Variants in CIBAR2 observed in about 807,000 individuals in gnomAD.
CIBAR2 encodes the protein CBY1 interacting BAR domain containing 2.
Under a neutral mutation model 36.2 loss-of-function variants are expected in CIBAR2, and 38 were observed. The ratio of observed to expected loss-of-function variants is 1.05; its 90% CI spans 0.81 to 1.38. The LOEUF is 1.38. Among genes scored for constraint, CIBAR2 ranks in the 40% most tolerant of loss-of-function variants. The pLI, the probability that CIBAR2 is intolerant of heterozygous loss-of-function variation, is 0.00. For missense variants in CIBAR2, 481 were observed against 383.4 expected, an observed-to-expected ratio of 1.25 and a Z score of -2.13; for synonymous variants, 182 against 149.5, an observed-to-expected ratio of 1.22 and a Z score of -1.58.
intron 1 of CIBAR2, among the ~76,000 whole-genome samples, chr16:85,111,665 G>A (rs2074043548): frequency 1.3e-5 from 2 of 152,190 alleles, no homozygotes; most frequent in African/African-American, 4.8e-5. Flanking sequence ...GGGCAACATG[G>A]TGAAACCCCG....
In CIBAR2 at chr16:85,106,667, G is replaced by A. The variant is rs7198658; in HGVS notation, c.432+1000C>T. On this transcript the variant is annotated intron_variant, in intron 5 of 8. Transcript: ENST00000539556. ...TCCCTGGAACTTCCAGAAGGAACCAGCCCTTTCCACACCTTGATTTGGCCC... is the reference window on the plus strand; with the variant it reads ...TCCCTGGAACTTCCAGAAGGAACCAACCCTTTCCACACCTTGATTTGGCCC... Among the ~76,000 whole-genome samples the A allele has an allele frequency of 2.5e-3, 376 of 152,312 alleles. 1 individual carries two copies. Among genetic ancestry groups the A allele is most frequent in the African/African-American group, 8.7e-3 (362 of 41,564 alleles).
rs2074029825 is a variant in CIBAR2 at position 85,110,247 on chromosome 16, C to T, written c.234G>A (p.Val78=). ...TCACCTGGGCCTGCCGGTAATCCTG[C>T]ACTTTGGCCAGGTCCTCAGCGAAGC... ...MRGFAEDLAK[V]QDYRQAQVER... The change falls in exon 2 of 9, where the codon GTG becomes GTA. Residue 78 remains valine (V), a synonymous_variant. Coordinates refer to ENST00000539556, the MANE Select transcript of CIBAR2 (RefSeq NM_198491.3). 3 of 1,578,798 alleles carry T rather than the reference C, an allele frequency of 1.9e-6. No individual in the cohort carries two copies. The South Asian group carries it at 3.5e-5, about 18-fold the overall frequency.
intron 7 of CIBAR2, among the ~76,000 whole-genome samples, chr16:85,100,814 G>A (rs571828258): frequency 1.6e-4 from 25 of 152,160 alleles, no homozygotes; most frequent in Admixed American, 1.5e-3. Flanking sequence ...TTGGGAGGCC[G>A]AGGCGGGCAG....
intron 2 of CIBAR2, 73 bp downstream of exon 2, chr16:85,110,153 G>A (rs968644868): frequency 8.4e-7 from 1 of 1,188,598 alleles, no homozygotes; most frequent in Non-Finnish European, 1.2e-6. Context: ...GGCTCCTGCA[G>A]CCCTCAGGCC....
At chr16:85,110,599 A>G in intron 1 of CIBAR2, 139 bp from the exon 2 acceptor site, 1 of 596,554 alleles carries the variant, frequency 1.7e-6, no homozygotes, top group Non-Finnish European at 2.9e-6. Flanking sequence ...ACAGGCTGTC[A>G]CTCAAGGTGG....
intron 8 of CIBAR2, among the ~76,000 whole-genome samples, chr16:85,099,768 CATACA>C (rs2073940052): frequency 6.7e-6 from 1 of 148,892 alleles, no homozygotes; most frequent in Non-Finnish European, 1.5e-5. Context: ...GGATTACAGG[CATACA>C]CCACCACACC....
At chr16:85,099,619 T>A (rs2073938375) in intron 8 of CIBAR2, among the ~76,000 whole-genome samples, 1 of 149,078 alleles carries the variant, frequency 6.7e-6, no homozygotes, top group Admixed American at 6.6e-5. Flanking sequence ...CTTCATTGAT[T>A]CTACTTTTTT....
At chr16:85,102,967 T>A (rs979483561) in intron 6 of CIBAR2, among the ~76,000 whole-genome samples, 1 of 151,198 alleles carries the variant, frequency 6.6e-6, no homozygotes, top group African/African-American at 2.4e-5. Context: ...AGTGGTGTGA[T>A]CTCGGCTCAC....
chr16:85,105,238 A>T, intron 6 of CIBAR2, 89 bp downstream of exon 6: 1 of 777,220 alleles, frequency 1.3e-6, no homozygotes, highest in Non-Finnish European at 2.2e-6. Context: ...ACTCATGCTG[A>T]AGCATGCACA....
At chr16:85,108,396 T>C (rs1219126432) in intron 2 of CIBAR2, among the ~76,000 whole-genome samples, 1 of 152,158 alleles carries the variant, frequency 6.6e-6, no homozygotes, top group Non-Finnish European at 1.5e-5. Flanking sequence ...AGGAAGATGG[T>C]GCCTGGCCCA....
At chr16:85,102,066 C>T (rs576419442) in intron 7 of CIBAR2, 148 bp downstream of exon 7, 2 of 598,094 alleles carry the variant, frequency 3.3e-6, no homozygotes, top group Non-Finnish European at 6.0e-6. Context: ...CACCCAGGGG[C>T]AGATATTGAC....
chr16:85,101,248 T>C (rs1046414702), intron 7 of CIBAR2, among the ~76,000 whole-genome samples: 10 of 152,202 alleles, frequency 6.6e-5, no homozygotes, highest in African/African-American at 2.4e-4. Flanking sequence ...AGCACTCTGA[T>C]GCTGCTGTCG....
At chr16:85,101,736 C>A (rs549511751) in intron 7 of CIBAR2, among the ~76,000 whole-genome samples, 149 of 151,210 alleles carry the variant, frequency 9.9e-4, no homozygotes, top group African/African-American at 3.5e-3. Flanking sequence ...GTGGCACGAT[C>A]TCGGCTCACT....
At chr16:85,108,700 C>T (rs2074017315) in intron 2 of CIBAR2, among the ~76,000 whole-genome samples, 1 of 152,054 alleles carries the variant, frequency 6.6e-6, no homozygotes, top group Non-Finnish European at 1.5e-5. Context: ...TGGTGAAACC[C>T]CGTCTCTACT....
chr16:85,102,068 G>C (rs1042034381), intron 7 of CIBAR2, 146 bp downstream of exon 7: 1 of 603,750 alleles, frequency 1.7e-6, no homozygotes, highest in South Asian at 2.1e-5. Context: ...CCCAGGGGCA[G>C]ATATTGACAA....
intron 6 of CIBAR2, among the ~76,000 whole-genome samples, chr16:85,103,859 C>T (rs1456015624): frequency 1.3e-5 from 2 of 152,330 alleles, no homozygotes; most frequent in South Asian, 4.1e-4. Context: ...TCACAGGCTT[C>T]TCTGCTCCAC....
intron 1 of CIBAR2, 109 bp downstream of exon 1, chr16:85,112,218 CCCCCAA>C: frequency 1.4e-5 from 12 of 872,000 alleles, no homozygotes; most frequent in Non-Finnish European, 2.3e-5. Flanking sequence ...GCTCCCCTCA[CCCCCAA>C]CCCCCACCCC....
At chr16:85,103,244 G>C (rs969688392) in intron 6 of CIBAR2, among the ~76,000 whole-genome samples, 6 of 152,140 alleles carry the variant, frequency 3.9e-5, no homozygotes, top group Non-Finnish European at 7.3e-5. Flanking sequence ...CTCATAGCAG[G>C]CACCAGCCAT....
At chr16:85,106,329 C>T (rs939904142) in intron 5 of CIBAR2, among the ~76,000 whole-genome samples, 1 of 152,108 alleles carries the variant, frequency 6.6e-6, no homozygotes, top group African/African-American at 2.4e-5. Context: ...ATAAACGGCC[C>T]CCCAAAGATG....
Sources: allele counts gnomAD v4.1 joint callset (sites outside exome capture counted in the v4.1 genomes callset), GRCh38; gene constraint gnomAD v4.1.1; transcripts MANE v1.5; gene names NCBI Gene and HGNC (gene_info 2026-07-23, HGNC 2026-07-21).